C8orf34: variants seen among roughly 807,000 people sequenced by gnomAD.
The protein encoded by C8orf34 is chromosome 8 open reading frame 34.
C8orf34 carries 65 observed loss-of-function variants against 68.3 expected under a neutral mutation model. The ratio of observed to expected loss-of-function variants is 0.95; its 90% CI spans 0.78 to 1.17. The LOEUF (loss-of-function observed/expected upper bound fraction) is 1.17. Among genes scored for constraint, C8orf34 ranks in the 50% most tolerant of loss-of-function variants. The pLI is 0.00. For synonymous variants in C8orf34, 244 were observed against 241.2 expected (o/e 1.01, Z -0.11); for missense variants, 664 against 655.4 (o/e 1.01, Z -0.14).
At chr8:68,745,502 G>T (rs1452082230) in intron 10 of C8orf34, among the ~76,000 whole-genome samples, 1 of 152,104 alleles carries the variant, frequency 6.6e-6, no homozygotes, top group African/African-American at 2.4e-5. Flanking sequence ...CTCACGTGCA[G>T]AGACACACAT....
intron 7 of C8orf34, among the ~76,000 whole-genome samples, chr8:68,623,511 C>T (rs1291562367): frequency 6.6e-6 from 1 of 152,062 alleles, no homozygotes; most frequent in Non-Finnish European, 1.5e-5. Context: ...ACAACCACTG[C>T]CTTGGATGTT....
At chr8:68,444,008 A>AT (rs1811021048) in intron 2 of C8orf34, among the ~76,000 whole-genome samples, 1 of 151,996 alleles carries the variant, frequency 6.6e-6, no homozygotes, top group Non-Finnish European at 1.5e-5. Context: ...TTTCGGGAAA[A>AT]TCTATTATGT....
intron 1 of C8orf34, among the ~76,000 whole-genome samples, chr8:68,405,310 C>T (rs1293407397): frequency 1.3e-5 from 2 of 152,120 alleles, no homozygotes; most frequent in African/African-American, 4.8e-5. Context: ...GAAGCCACCT[C>T]AAATGCTAAG....
chr8:68,368,029 T>C (rs1305087903), intron 1 of C8orf34, among the ~76,000 whole-genome samples: 1 of 151,606 alleles, frequency 6.6e-6, no homozygotes, highest in African/African-American at 2.4e-5. Context: ...CTATTAACTA[T>C]GTCTATTAGT....
intron 3 of C8orf34, among the ~76,000 whole-genome samples, chr8:68,463,085 A>G (rs965550361): frequency 1.6e-4 from 24 of 152,176 alleles, no homozygotes; most frequent in African/African-American, 5.8e-4. Context: ...TCAAATAGAC[A>G]CAATAAAAAA....
At chr8:68,653,285 T>G (rs1338754026) in intron 8 of C8orf34, among the ~76,000 whole-genome samples, 1 of 152,210 alleles carries the variant, frequency 6.6e-6, no homozygotes, top group African/African-American at 2.4e-5. Flanking sequence ...TCACCAATGA[T>G]TTGTAGCCAA....
intron 8 of C8orf34, among the ~76,000 whole-genome samples, chr8:68,703,159 C>T (rs1004825898): frequency 2.0e-5 from 3 of 152,126 alleles, no homozygotes; most frequent in Middle Eastern, 3.2e-3. Flanking sequence ...TTATTGATCA[C>T]GCACATGTAC....
intron 6 of C8orf34, among the ~76,000 whole-genome samples, chr8:68,523,679 C>T (rs1814852325): frequency 6.6e-6 from 1 of 151,976 alleles, no homozygotes; most frequent in Non-Finnish European, 1.5e-5. Flanking sequence ...TATATTTTCT[C>T]CATCTTCTAA....
chr8:68,619,118 A>T (rs926956223), intron 7 of C8orf34, among the ~76,000 whole-genome samples: 3 of 152,188 alleles, frequency 2.0e-5, no homozygotes, highest in African/African-American at 7.2e-5. Context: ...ACTTGAGCTC[A>T]GGAGTTTGAG....
At chr8:68,618,135 T>G (rs901398884) in intron 7 of C8orf34, among the ~76,000 whole-genome samples, 4 of 152,182 alleles carry the variant, frequency 2.6e-5, no homozygotes, top group African/African-American at 7.2e-5. Context: ...TTTCTTAAAA[T>G]AATTTTAAGG....
chr8:68,354,133 A>G (rs1190020834), intron 1 of C8orf34, among the ~76,000 whole-genome samples: 2 of 152,080 alleles, frequency 1.3e-5, no homozygotes, highest in Non-Finnish European at 2.9e-5. Flanking sequence ...GCGCTAAATT[A>G]TTTCAATGTT....
At chr8:68,371,483 T>A (rs938937064) in intron 1 of C8orf34, among the ~76,000 whole-genome samples, 1 of 152,204 alleles carries the variant, frequency 6.6e-6, no homozygotes, top group African/African-American at 2.4e-5. Context: ...ACATCCTATA[T>A]GACAACTATA....
intron 8 of C8orf34, among the ~76,000 whole-genome samples, chr8:68,692,899 G>C (rs1194860344): frequency 3.3e-5 from 5 of 151,952 alleles, no homozygotes; most frequent in Non-Finnish European, 5.9e-5. Flanking sequence ...TTTTTACTTA[G>C]ACTATAAAAC....
intron 8 of C8orf34, among the ~76,000 whole-genome samples, chr8:68,665,630 T>C (rs563718352): frequency 6.6e-6 from 1 of 152,314 alleles, no homozygotes; most frequent in East Asian, 1.9e-4. Context: ...CTCTAACATG[T>C]CAACTAGATT....
chr8:68,817,137 C>CT (rs1824843584), intron 13 of C8orf34, among the ~76,000 whole-genome samples: 1 of 152,098 alleles, frequency 6.6e-6, no homozygotes, highest in African/African-American at 2.4e-5. Context: ...GATACAGCAC[C>CT]TATCATAGGT....
At chr8:68,446,217 T>A in intron 2 of C8orf34, 112 bp from the exon 3 acceptor site, 1 of 792,012 alleles carries the variant, frequency 1.3e-6, no homozygotes, top group Non-Finnish European at 2.0e-6. Context: ...TTATTTTTGA[T>A]ATGAGGTGAC....
chr8:68,383,677 G>GA (rs1808138681), intron 1 of C8orf34, among the ~76,000 whole-genome samples: 1 of 152,116 alleles, frequency 6.6e-6, no homozygotes. Context: ...CACCCTTCTG[G>GA]AAAAATATTA....
chr8:68,653,189 T>C lies in C8orf34; in HGVS notation c.1241+12678T>C, dbSNP rs1012367290. On this transcript the variant is annotated intron_variant, in intron 8 of 13. Coordinates refer to ENST00000518698, the MANE Select transcript of C8orf34 (RefSeq NM_052958.4). ...ACCGCAGTAAACTTTTGGGATACCT[T>C]ATAGAAAATTATGCAAACAATAAAA... is the stretch of plus-strand genomic sequence containing the variant. Among the ~76,000 whole-genome samples the C allele has an allele frequency of 2.0e-5, 3 of 152,176 alleles. No individual in the cohort carries two copies. In the East Asian group the frequency reaches 5.8e-4, roughly 29 times the overall value.
At position 68,559,686 on chromosome 8, in the gene C8orf34, A is replaced by G. The variant is rs1816361706; in HGVS notation, c.1105+26537A>G. 3.9e-5 allele frequency among the ~76,000 whole-genome samples: 6 copies of G among 152,298 alleles called. 1 individual carries two copies. The South Asian group carries it at 1.2e-3, about 32-fold the overall frequency. On this transcript the variant is annotated intron_variant, in intron 7 of 13. Transcript: ENST00000518698. ...GTTTATAGATGTCGAAAAACACCTC[A>G]GCCTAAAAAATTAAATCTGAACATG...
Sources: gnomAD v4.1 joint callset for allele counts (sites outside exome capture counted in the v4.1 genomes callset) on GRCh38, gnomAD v4.1.1 for gene constraint, MANE v1.5 for transcripts, NCBI Gene and HGNC (gene_info 2026-07-23, HGNC 2026-07-21) for gene names.